Variants in RBFOX1 observed in about 807,000 individuals in gnomAD.
The protein encoded by RBFOX1 is RNA binding fox-1 homolog 1, also known as RNA binding protein fox-1 homolog 1.
Under a neutral mutation model 57.7 loss-of-function variants are expected in RBFOX1, and 8 were observed. The ratio of observed to expected loss-of-function variants is 0.14; its 90% CI spans 0.08 to 0.25. RBFOX1 has a LOEUF of 0.25. Among genes scored for constraint, RBFOX1 ranks in the 10% least tolerant of loss-of-function variants. RBFOX1 has a pLI of 1.00. For synonymous variants in RBFOX1, 326 were observed against 222.4 expected (o/e 1.47, Z -4.15); for missense variants, 611 against 548.5 (o/e 1.11, Z -1.14).
chr16:7,126,382 A>AC, intron 4 of RBFOX1: 1 of 243,196 alleles, frequency 4.1e-6, no homozygotes, highest in Non-Finnish European at 8.4e-6. Context: ...TCACAAGATC[A>AC]ATTCCTGACT....
chr16:5,949,218 T>C (rs1022040420), intron 4 of RBFOX1, among the ~76,000 whole-genome samples: 4 of 152,130 alleles, frequency 2.6e-5, no homozygotes, highest in South Asian at 4.1e-4. Context: ...ACAGCCTGTG[T>C]CCAAATCCTC....
At chr16:7,204,042 C>T (rs1438624856) in intron 4 of RBFOX1, among the ~76,000 whole-genome samples, 1 of 152,222 alleles carries the variant, frequency 6.6e-6, no homozygotes, top group Non-Finnish European at 1.5e-5. Context: ...GATCTGCAGC[C>T]AGGGTGCCCC....
intron 4 of RBFOX1, among the ~76,000 whole-genome samples, chr16:6,005,181 G>C (rs1234411315): frequency 6.6e-6 from 1 of 152,190 alleles, no homozygotes; most frequent in Non-Finnish European, 1.5e-5. Context: ...TTCAAATGCG[G>C]AAGTTTATAT....
intron 3 of RBFOX1, among the ~76,000 whole-genome samples, chr16:7,030,568 G>T (rs1162132090): frequency 6.6e-6 from 1 of 152,086 alleles, no homozygotes; most frequent in Non-Finnish European, 1.5e-5. Context: ...ACATGCTATT[G>T]TCTTTGTTTC....
At position 6,984,793 on chromosome 16, in the gene RBFOX1, A is replaced by C. The variant is rs537912501; in HGVS notation, c.-15-67264A>C. On this transcript the variant is annotated intron_variant, in intron 3 of 15. Transcript: ENST00000550418. ...GTAGCTAAGATTAGAGGTGCATGCC[A>C]CCACACCTGGCTAATTTTTGTATTT... Among the ~76,000 whole-genome samples the C allele has an allele frequency of 2.1e-3, 317 of 152,176 alleles. 2 individuals carry two copies. The highest frequency in any genetic ancestry group is 4.2e-3 in the Admixed American group (64 of 15,294).
intron 3 of RBFOX1, among the ~76,000 whole-genome samples, chr16:5,753,146 CAAAACCTTGTCTT>C (rs2053271451): frequency 6.6e-6 from 1 of 151,062 alleles, no homozygotes; most frequent in Non-Finnish European, 1.5e-5. Context: ...GGCAGCAGAA[CAAAACCTTGTCTT>C]AAAAAAAAAA....
At chr16:5,701,592 G>A (rs772546234) in intron 3 of RBFOX1, among the ~76,000 whole-genome samples, 2 of 152,132 alleles carry the variant, frequency 1.3e-5, no homozygotes, top group African/African-American at 4.8e-5. Flanking sequence ...ACCACACCTG[G>A]CTAATATTTT....
chr16:5,336,407 A>G (rs1041746364), intron 1 of RBFOX1, among the ~76,000 whole-genome samples: 1 of 152,128 alleles, frequency 6.6e-6, no homozygotes, highest in Non-Finnish European at 1.5e-5. Context: ...CATCGGTAAA[A>G]CAGGGATGAT....
chr16:5,307,601 C>T (rs577171531), intron 1 of RBFOX1, among the ~76,000 whole-genome samples: 8 of 152,322 alleles, frequency 5.3e-5, no homozygotes, highest in African/African-American at 1.9e-4. Context: ...CCTGATCTCA[C>T]ACACACCGGG....
At chr16:7,193,028 A>G (rs74754634) in intron 4 of RBFOX1, among the ~76,000 whole-genome samples, 2,232 of 152,342 alleles carry the variant, frequency 0.015, 63 homozygotes, top group African/African-American at 0.051. Flanking sequence ...ACCTATGGCC[A>G]TGTCTTAATC....
intron 3 of RBFOX1, among the ~76,000 whole-genome samples, chr16:6,891,763 C>T (rs1467474839): frequency 6.6e-6 from 1 of 152,152 alleles, no homozygotes; most frequent in Non-Finnish European, 1.5e-5. Flanking sequence ...GTCTTCAATC[C>T]AATGTCTCAT....
intron 2 of RBFOX1, among the ~76,000 whole-genome samples, chr16:6,534,431 T>C (rs1441494235): frequency 2.0e-5 from 3 of 152,108 alleles, no homozygotes; most frequent in Non-Finnish European, 4.4e-5. Flanking sequence ...CCCGCTAAGA[T>C]GCCTCTTCAG....
At chr16:7,258,430 T>A (rs1316166337) in intron 4 of RBFOX1, among the ~76,000 whole-genome samples, 2 of 152,176 alleles carry the variant, frequency 1.3e-5, no homozygotes, top group African/African-American at 4.8e-5. Flanking sequence ...ACTGTGTGCA[T>A]TATTTGCCTG....
chr16:5,954,349 A>G (rs140446169), intron 4 of RBFOX1, among the ~76,000 whole-genome samples: 2 of 152,174 alleles, frequency 1.3e-5, no homozygotes, highest in African/African-American at 2.4e-5. Flanking sequence ...GTTGGGAACA[A>G]TAACGGTGGA....
chr16:5,712,892 T>A (rs1039663515), intron 3 of RBFOX1, among the ~76,000 whole-genome samples: 5 of 152,192 alleles, frequency 3.3e-5, no homozygotes, highest in Admixed American at 2.0e-4. Flanking sequence ...TCACTCTGTT[T>A]TTAAATATTG....
chr16:6,552,273 C>T (rs930106160), intron 2 of RBFOX1, among the ~76,000 whole-genome samples: 14 of 152,106 alleles, frequency 9.2e-5, no homozygotes, highest in African/African-American at 3.4e-4. Context: ...AACCCCTTTT[C>T]TTTAAAAGGA....
intron 4 of RBFOX1, among the ~76,000 whole-genome samples, chr16:5,969,561 A>G (rs1168916315): frequency 6.8e-6 from 1 of 146,848 alleles, no homozygotes; most frequent in Non-Finnish European, 1.5e-5. Flanking sequence ...TGATCTCATG[A>G]TCCGCCTGCC....
chr16:5,323,551 G>A (rs1040703331), intron 1 of RBFOX1, among the ~76,000 whole-genome samples: 1 of 152,264 alleles, frequency 6.6e-6, no homozygotes, highest in Non-Finnish European at 1.5e-5. Flanking sequence ...GCATTGCTCT[G>A]TGCACCTTTG....
chr16:7,084,871 CCATCT>C (rs879925116), intron 4 of RBFOX1, among the ~76,000 whole-genome samples: 1,628 of 152,222 alleles, frequency 0.011, 15 homozygotes, highest in Non-Finnish European at 0.016. Context: ...ATCTATCTAT[CCATCT>C]ATCTATCTTC....
Sources: gnomAD v4.1 joint callset for allele counts (sites outside exome capture counted in the v4.1 genomes callset) on GRCh38, gnomAD v4.1.1 for gene constraint, MANE v1.5 for transcripts, NCBI Gene and HGNC (gene_info 2026-07-23, HGNC 2026-07-21) for gene names.